YWHAB: variants seen among roughly 807,000 people sequenced by gnomAD.
YWHAB encodes the protein 14-3-3 protein beta/alpha.
YWHAB carries 2 observed loss-of-function variants against 28.5 expected under a neutral mutation model. The observed-to-expected ratio is 0.07, with a 90% CI of 0.03 to 0.22. The LOEUF is 0.22. YWHAB is among the 10% of genes least tolerant of loss of function. The pLI is 1.00. For missense variants in YWHAB, 148 were observed against 297.1 expected (o/e 0.50, Z 3.69); for synonymous variants, 103 against 104.7 (o/e 0.98, Z 0.10).
intron 1 of YWHAB, among the ~76,000 whole-genome samples, chr20:44,893,823 C>T (rs929248887): frequency 1.3e-5 from 2 of 151,644 alleles, no homozygotes; most frequent in African/African-American, 4.8e-5. Context: ...CTCAGCCTCC[C>T]GAGTAGCTGG....
At position 44,906,419 on chromosome 20, in the gene YWHAB, C is replaced by T. The variant is rs1464275498; in HGVS notation, c.722C>T (p.Ala241Val). The T allele has an allele frequency of 6.2e-7, 1 of 1,608,706 alleles. No individual in the cohort carries two copies. The highest frequency in any genetic ancestry group is 1.1e-5 in the South Asian group (1 of 90,944). The change falls in exon 6 of 6, where the codon GCT becomes GTT. Residue 241 changes from alanine (A) to valine (V), a missense_variant. This residue lies in a region of YWHAB where 38 missense variants were observed against 119.2 expected (regional missense o/e 0.32). Coordinates refer to ENST00000353703, the MANE Select transcript of YWHAB (RefSeq NM_139323.4). Reference protein sequence around the residue: ...TSENQGDEGDAGEGEN With the variant: ...TSENQGDEGDVGEGEN ...GAAAACCAGGGAGACGAAGGAGACGCTGGGGAGGGAGAGAACTAATGTTTC... is the reference window on the plus strand; with the variant it reads ...GAAAACCAGGGAGACGAAGGAGACGTTGGGGAGGGAGAGAACTAATGTTTC...
chr20:44,892,393 A>ACT lies in YWHAB; in HGVS notation c.-4+6507_-4+6508insCT, dbSNP rs111697739. ...TCTGTCTGGTTGGCTTTCTAAGGAG[A>ACT]GGCATTGTAACCCTTAAACGTGTGC... On this transcript the variant is annotated intron_variant, in intron 1 of 5. Coordinates refer to ENST00000353703, the MANE Select transcript of YWHAB (RefSeq NM_139323.4). Among the ~76,000 whole-genome samples the ACT allele has an allele frequency of 2.5e-3, 385 of 151,836 alleles. 2 individuals carry two copies. The highest frequency in any genetic ancestry group is 9.1e-3 in the African/African-American group (375 of 41,400).
chr20:44,886,094 A>C (rs919113231), intron 1 of YWHAB: 2 of 151,928 alleles, frequency 1.3e-5, no homozygotes, highest in Admixed American at 6.6e-5. Flanking sequence ...CCTCTTGGAG[A>C]GGCTCGGGCC....
At chr20:44,905,248 G>T in intron 4 of YWHAB, 117 bp downstream of exon 4, 1 of 1,023,706 alleles carries the variant, frequency 9.8e-7, no homozygotes, top group Non-Finnish European at 1.4e-6. Flanking sequence ...TTTTCTGGGG[G>T]TGGGAGTGTA....
Position 44,906,618 on chromosome 20 carries a change from C to A in YWHAB, c.*180C>A, listed in dbSNP as rs2066659323. 2 of 448,038 alleles carry A rather than the reference C, an allele frequency of 4.5e-6. No individual in the cohort carries two copies. The highest frequency in any genetic ancestry group is 7.9e-6 in the Non-Finnish European group (2 of 252,610). The allele number at this position is 448,038 out of a possible 1,614,324, so 27.8% of individuals were successfully genotyped here. On this transcript the variant is annotated 3_prime_UTR_variant, in exon 6 of 6. Coordinates refer to ENST00000353703, the MANE Select transcript of YWHAB (RefSeq NM_139323.4). ...ACAGCTGGTATTTGTATCTAAAACT[C>A]AGATTGGTCACATAAATGCCACGGC...
intron 1 of YWHAB, among the ~76,000 whole-genome samples, chr20:44,897,258 A>G (rs1344830642): frequency 3.3e-5 from 5 of 152,220 alleles, no homozygotes; most frequent in African/African-American, 4.8e-5. Context: ...AGCAACGGCA[A>G]TCCTTTATTA....
chr20:44,890,957 G>T (rs1255015482), intron 1 of YWHAB, among the ~76,000 whole-genome samples: 2 of 152,188 alleles, frequency 1.3e-5, no homozygotes, highest in African/African-American at 4.8e-5. Flanking sequence ...AGCAGAGTAC[G>T]TGTAAAATAA....
At chr20:44,887,342 C>T (rs1241882084) in intron 1 of YWHAB, 2 of 152,186 alleles carry the variant, frequency 1.3e-5, no homozygotes, top group African/African-American at 4.8e-5. Flanking sequence ...TTTTCCTGGC[C>T]TGTCCTTCCA....
intron 1 of YWHAB, among the ~76,000 whole-genome samples, chr20:44,895,059 A>G (rs940410868): frequency 2.6e-5 from 4 of 152,246 alleles, no homozygotes; most frequent in African/African-American, 9.6e-5. Flanking sequence ...TGTATCACAG[A>G]ATGGCATAAA....
chr20:44,890,786 G>T (rs2066556829), intron 1 of YWHAB, among the ~76,000 whole-genome samples: 1 of 152,046 alleles, frequency 6.6e-6, no homozygotes, highest in African/African-American at 2.4e-5. Context: ...TGGGATTACA[G>T]GCGTGAGCCA....
intron 2 of YWHAB, chr20:44,903,463 A>T (rs986475111): frequency 6.6e-6 from 1 of 152,474 alleles, no homozygotes; most frequent in African/African-American, 2.4e-5. Flanking sequence ...CTTTAATTAT[A>T]GAAGTAATAC....
intron 4 of YWHAB, chr20:44,905,758 A>G (rs1364276861): frequency 7.5e-6 from 3 of 400,562 alleles, no homozygotes; most frequent in African/African-American, 4.0e-5. Flanking sequence ...GTTAGCAGTA[A>G]TACTGCTTAG....
At chr20:44,900,064 T>A (rs74336773) in intron 1 of YWHAB, among the ~76,000 whole-genome samples, 1 of 151,952 alleles carries the variant, frequency 6.6e-6, no homozygotes, top group Non-Finnish European at 1.5e-5. Flanking sequence ...TTTTTTTTTT[T>A]AGAGACAGGG....
At position 44,902,115 on chromosome 20, in the gene YWHAB, G is replaced by A. The variant is rs551935376; in HGVS notation, c.300+282G>A. ...CCTCCCTCCATCTTTTAAAATTGAG[G>A]CCAGATAGACAGGATTTTAATAGAT... On this transcript the variant is annotated intron_variant, in intron 2 of 5. Coordinates refer to ENST00000353703, the MANE Select transcript of YWHAB (RefSeq NM_139323.4). The A allele has an allele frequency of 9.1e-5, 28 of 309,346 alleles. No individual in the cohort carries two copies. In the East Asian group the frequency reaches 1.4e-3, roughly 16 times the overall value. The allele number at this position is 309,346 out of a possible 1,614,324, so 19.2% of individuals were successfully genotyped here.
chr20:44,900,853 G>A (rs1234380314), intron 1 of YWHAB, among the ~76,000 whole-genome samples: 1 of 152,076 alleles, frequency 6.6e-6, no homozygotes. Flanking sequence ...TCGGCCCACT[G>A]CAACCTCTGC....
chr20:44,897,781 T>C, intron 1 of YWHAB, among the ~76,000 whole-genome samples: 1 of 152,242 alleles, frequency 6.6e-6, no homozygotes, highest in East Asian at 1.9e-4. Flanking sequence ...ATTTTTGATG[T>C]ACTTGTATTA....
intron 1 of YWHAB, among the ~76,000 whole-genome samples, chr20:44,890,033 T>A (rs1434766625): frequency 6.6e-6 from 1 of 152,222 alleles, no homozygotes; most frequent in African/African-American, 2.4e-5. Flanking sequence ...ATACTTAGGA[T>A]CAAATGCGTT....
Position 44,901,176 on chromosome 20 carries a change from A to G in YWHAB, c.-3-355A>G, listed in dbSNP as rs138960929. On this transcript the variant is annotated intron_variant, in intron 1 of 5. Coordinates refer to ENST00000353703, the MANE Select transcript of YWHAB (RefSeq NM_139323.4). ...AAACAAAAGCTCTAGAGCCAGATAGATGTGAGCTGGAGTTCTGGCTCTCCA... is the reference window on the plus strand; with the variant it reads ...AAACAAAAGCTCTAGAGCCAGATAGGTGTGAGCTGGAGTTCTGGCTCTCCA... Among the ~76,000 whole-genome samples, 921 of 152,238 alleles carry G rather than the reference A, an allele frequency of 6.0e-3. 11 individuals carry two copies. The highest frequency in any genetic ancestry group is 0.021 in the African/African-American group (885 of 41,522).
intron 1 of YWHAB, among the ~76,000 whole-genome samples, chr20:44,899,489 G>C (rs2066614424): frequency 6.6e-6 from 1 of 152,050 alleles, no homozygotes; most frequent in Admixed American, 6.6e-5. Flanking sequence ...CAAACAAACA[G>C]ACAAAGCACA....
Sources: gnomAD v4.1 joint callset for allele counts (sites outside exome capture counted in the v4.1 genomes callset) on GRCh38, gnomAD v4.1.1 for gene constraint, gnomAD v4.1.1 regional missense constraint, MANE v1.5 for transcripts, NCBI Gene and HGNC (gene_info 2026-07-23, HGNC 2026-07-21) for gene names.